Variants in WDR82 observed in about 807,000 individuals in gnomAD.
The protein encoded by WDR82 is WD repeat domain 82.
WDR82 carries 8 observed loss-of-function variants against 36.1 expected under a neutral mutation model. That is an observed-to-expected ratio of 0.22 (90% CI 0.13 to 0.40). The LOEUF (loss-of-function observed/expected upper bound fraction) is 0.40, where lower values mean the gene tolerates loss of function less well. Among genes scored for constraint, WDR82 ranks in the 10% least tolerant of loss-of-function variants. WDR82 has a pLI of 1.00. For synonymous variants in WDR82, 129 were observed against 137.8 expected, an observed-to-expected ratio of 0.94 and a Z score of 0.45; for missense variants, 185 against 400.5, an observed-to-expected ratio of 0.46 and a Z score of 4.59.
Position 52,259,275 on chromosome 3 carries a change from A to C in WDR82, c.700-9T>G, listed in dbSNP as rs1283211867. The stretch of plus-strand genomic sequence containing the variant: ...TTGCTGTTGGCATAACCCTAAAACA[A>C]AACAGAGCAGTTCTTTTGTTCTTAC... On this transcript the variant is annotated splice_polypyrimidine_tract_variant and intron_variant, in intron 6 of 8. Coordinates refer to ENST00000296490, the MANE Select transcript of WDR82 (RefSeq NM_025222.4). The C allele has an allele frequency of 1.2e-6, 2 of 1,613,896 alleles. No homozygotes were observed. The highest frequency in any genetic ancestry group is 1.7e-5 in the Admixed American group (1 of 59,922).
In WDR82 at chr3:52,267,001, A is replaced by G. The variant is rs757309979; in HGVS notation, c.277T>C (p.Ser93Pro). The G allele has an allele frequency of 6.2e-7, 1 of 1,610,676 alleles. No individual in the cohort carries two copies. Among genetic ancestry groups the G allele is most frequent in the South Asian group, 1.1e-5 (1 of 90,894 alleles). ...CTGATGTATTTGTTGTCATGCAAGG[A>G]CAAGTAACGAATAGTATCTGTAAAA... ...NKIDDTIRYLSLHDNKYIRYF... is the reference protein window; with the variant it reads ...NKIDDTIRYLPLHDNKYIRYF... The change falls in exon 3 of 9, where the codon TCC (serine) becomes CCC (proline). Residue 93 changes from serine (S) to proline (P), a missense_variant. This residue lies in a region of WDR82 where 26 missense variants were observed against 107.4 expected (regional missense o/e 0.24). Coordinates refer to ENST00000296490, the MANE Select transcript of WDR82 (RefSeq NM_025222.4).
At chr3:52,269,458 A>T (rs1424961470) in intron 2 of WDR82, among the ~76,000 whole-genome samples, 1 of 148,480 alleles carries the variant, frequency 6.7e-6, no homozygotes, top group Non-Finnish European at 1.5e-5. Flanking sequence ...CTGGGCAACA[A>T]GAGCAGGACT....
chr3:52,274,709 C>T (rs1230197361), intron 1 of WDR82, among the ~76,000 whole-genome samples: 1 of 152,082 alleles, frequency 6.6e-6, no homozygotes, highest in East Asian at 1.9e-4. Context: ...TTGAGACCAA[C>T]ATGGCCAACA....
intron 1 of WDR82, among the ~76,000 whole-genome samples, chr3:52,274,579 C>A (rs1700185659): frequency 6.6e-6 from 1 of 151,430 alleles, no homozygotes; most frequent in East Asian, 1.9e-4. Flanking sequence ...AACAAACAAA[C>A]AAAAAAACAA....
intron 3 of WDR82, among the ~76,000 whole-genome samples, chr3:52,262,467 T>G (rs1700070028): frequency 6.6e-6 from 1 of 152,214 alleles, no homozygotes; most frequent in Non-Finnish European, 1.5e-5. Context: ...ACACAGATAT[T>G]CTCAAACCTA....
In WDR82 at chr3:52,278,304, T is replaced by A; in HGVS notation, c.58A>T (p.Asn20Tyr). ...SFRVAKVFRE[N>Y]SDKINCFDFS... ...TCGAAGCAGTTAATCTTGTCCGAGT[T>A]TTCGCGGAACACCTTAGCGACGCGG... The change falls in exon 1 of 9, where the codon AAC (asparagine) becomes TAC (tyrosine). Residue 20 changes from asparagine (N) to tyrosine (Y), a missense_variant. Coordinates refer to ENST00000296490, the MANE Select transcript of WDR82 (RefSeq NM_025222.4). 1 of 1,609,426 alleles carries A rather than the reference T, an allele frequency of 6.2e-7. No individual in the cohort carries two copies. Among genetic ancestry groups the A allele is most frequent in the Non-Finnish European group, 8.5e-7 (1 of 1,178,482 alleles).
chr3:52,257,390 G>A lies in WDR82; in HGVS notation c.*100C>T, dbSNP rs751163085. On this transcript the variant is annotated 3_prime_UTR_variant, in exon 9 of 9. Coordinates refer to ENST00000296490, the MANE Select transcript of WDR82 (RefSeq NM_025222.4). ...AGGCCATGTAAAAGGATGTTCTCCA[G>A]CCCAGTCAAATGATCCAATCCCACT... 8.4e-5 allele frequency: 128 copies of A among 1,520,998 alleles called. No individual in the cohort carries two copies. Among genetic ancestry groups the A allele is most frequent in the Middle Eastern group, 3.4e-4 (2 of 5,808 alleles). The allele number at this position is 1,520,998 out of a possible 1,614,324, so 94.2% of individuals were successfully genotyped here.
chr3:52,259,682 A>G (rs1700043649), intron 6 of WDR82, 35 bp downstream of exon 6: 1 of 1,593,586 alleles, frequency 6.3e-7, no homozygotes, highest in South Asian at 1.1e-5. Flanking sequence ...AAGTATGAGC[A>G]TGGAAACAGC....
At chr3:52,276,231 C>G (rs1700201494) in intron 1 of WDR82, among the ~76,000 whole-genome samples, 1 of 152,080 alleles carries the variant, frequency 6.6e-6, no homozygotes, top group African/African-American at 2.4e-5. Context: ...GTCAGGAGTT[C>G]AAGACCAGTC....
Position 52,258,694 on chromosome 3 carries a change from A to G in WDR82, c.770-16T>C. 1.9e-6 allele frequency: 3 copies of G among 1,614,136 alleles called. No homozygotes were observed. The highest frequency in any genetic ancestry group is 2.5e-6 in the Non-Finnish European group (3 of 1,180,022). On this transcript the variant is annotated splice_polypyrimidine_tract_variant and intron_variant, in intron 7 of 8. Transcript: ENST00000296490. ...TCCTCTGAACCTAAAGAGGATATTCACGGAAAATGTAACAGCTCAAGGCGC... is the reference window on the plus strand; with the variant it reads ...TCCTCTGAACCTAAAGAGGATATTCGCGGAAAATGTAACAGCTCAAGGCGC...
At position 52,256,468 on chromosome 3, in the gene WDR82, G is replaced by A. The variant is rs921461242; in HGVS notation, c.*1022C>T. The A allele has an allele frequency of 6.5e-6, 1 of 153,702 alleles. No individual in the cohort carries two copies. The highest frequency in any genetic ancestry group is 1.5e-5 in the Non-Finnish European group (1 of 68,044). 9.5% of individuals were successfully genotyped at this position (153,702 alleles called of 1,614,324 possible). A position where few individuals can be genotyped will look rare whatever the true frequency, so the allele number is the denominator to read the frequency against. ...GGTCATATATAAAAACGCTAAATATGACATATAACACAGGCCTAGAACCAG... is the reference window on the plus strand; with the variant it reads ...GGTCATATATAAAAACGCTAAATATAACATATAACACAGGCCTAGAACCAG... On this transcript the variant is annotated 3_prime_UTR_variant, in exon 9 of 9. Coordinates refer to ENST00000296490, the MANE Select transcript of WDR82 (RefSeq NM_025222.4).
intron 8 of WDR82, among the ~76,000 whole-genome samples, 168 bp from the exon 9 acceptor site, chr3:52,257,687 C>T: frequency 6.6e-6 from 1 of 152,230 alleles, no homozygotes; most frequent in Non-Finnish European, 1.5e-5. Context: ...ACACTCTTTC[C>T]TCTATGTGAA....
In WDR82 at chr3:52,278,611, A is replaced by G. The variant is rs1480525840; in HGVS notation, c.-250T>C. 8 of 398,872 alleles carry G rather than the reference A, an allele frequency of 2.0e-5. No individual in the cohort carries two copies. Among genetic ancestry groups the G allele is most frequent in the East Asian group, 1.8e-4 (5 of 27,916 alleles). The allele number at this position is 398,872 out of a possible 1,614,324, so 24.7% of individuals were successfully genotyped here. On this transcript the variant is annotated 5_prime_UTR_variant, in exon 1 of 9. It removes an upstream start codon present in the reference 5' UTR. Transcript: ENST00000296490. ...CGGACAACCGGCGCGTCGCCGGCTC[A>G]TTGTGTCCGCCATTTTGGGGCGACA...
intron 8 of WDR82, 48 bp from the exon 9 acceptor site, chr3:52,257,567 C>T (rs1338660065): frequency 1.2e-6 from 2 of 1,613,050 alleles, no homozygotes; most frequent in South Asian, 2.2e-5. Flanking sequence ...CATCTCCTCA[C>T]TGCCAACGGT....
chr3:52,270,830 G>A (rs1700146701), intron 1 of WDR82, 21 bp from the exon 2 acceptor site: 1 of 1,534,002 alleles, frequency 6.5e-7, no homozygotes, highest in African/African-American at 1.4e-5. Context: ...AATAGAGACA[G>A]AAAATCATGA....
intron 2 of WDR82, chr3:52,267,591 A>C (rs1387155304): frequency 6.6e-6 from 1 of 152,644 alleles, no homozygotes; most frequent in East Asian, 1.9e-4. Flanking sequence ...AAAACGTCAG[A>C]GAAGTGATGT....
rs141632610 is a variant in WDR82 at position 52,274,153 on chromosome 3, G to T, written c.162-3344C>A. 3.9e-4 allele frequency among the ~76,000 whole-genome samples: 60 copies of T among 152,276 alleles called. 1 individual carries two copies. Among genetic ancestry groups the T allele is most frequent in the African/African-American group, 1.4e-3 (58 of 41,552 alleles). On this transcript the variant is annotated intron_variant, in intron 1 of 8. Transcript: ENST00000296490. Reference sequence around the variant, plus strand: ...TCCAAATTGAAATATCACTCAATGGGCGAACTCCATTGTAAAGAAAATTTA... The same window carrying T: ...TCCAAATTGAAATATCACTCAATGGTCGAACTCCATTGTAAAGAAAATTTA...
chr3:52,270,934 G>A, intron 1 of WDR82, 125 bp from the exon 2 acceptor site: 1 of 602,148 alleles, frequency 1.7e-6, no homozygotes, highest in African/African-American at 1.9e-5. Flanking sequence ...TTCTAACACT[G>A]GAAAGAAACA....
intron 5 of WDR82, among the ~76,000 whole-genome samples, chr3:52,260,172 A>G (rs1168066074): frequency 6.6e-6 from 1 of 152,156 alleles, no homozygotes; most frequent in Non-Finnish European, 1.5e-5. Context: ...TCTACTAAAT[A>G]CAAAAAATTA....
Sources: gnomAD v4.1 joint callset for allele counts (sites outside exome capture counted in the v4.1 genomes callset) on GRCh38, gnomAD v4.1.1 for gene constraint, gnomAD v4.1.1 regional missense constraint, MANE v1.5 for transcripts, NCBI Gene and HGNC (gene_info 2026-07-23, HGNC 2026-07-21) for gene names.